The following IDO2 variants were observed in gnomAD, a reference collection of about 807,000 sequenced individuals.
IDO2 encodes the protein indoleamine 2,3-dioxygenase 2, also known as indoleamine 2,3-dioxygenase-like 1 protein.
Under a neutral mutation model 45.1 loss-of-function variants are expected in IDO2, and 46 were observed. That is an observed-to-expected ratio of 1.02 (90% confidence interval 0.80 to 1.30). IDO2 has a LOEUF of 1.30. Ranked by LOEUF, IDO2 falls within the 50% of genes most tolerant of loss-of-function variation. The probability of loss-of-function intolerance (pLI) is 0.00; values close to 1 mark genes in which losing one functional copy is unlikely to be tolerated. For synonymous variants in IDO2, 218 were observed against 184.9 expected (o/e 1.18, Z -1.45); for missense variants, 544 against 491.8 (o/e 1.11, Z -1.00).
intron 8 of IDO2, among the ~76,000 whole-genome samples, chr8:40,004,545 A>AGATAGAT (rs1563441314): frequency 6.6e-6 from 1 of 151,760 alleles, no homozygotes; most frequent in African/African-American, 2.4e-5. Context: ...ATAGATAGAT[A>AGATAGAT]GATAGATAGA....
chr8:39,966,028 T>TC (rs1178993213), intron 3 of IDO2, among the ~76,000 whole-genome samples: 2 of 36,476 alleles, frequency 5.5e-5, no homozygotes, highest in African/African-American at 9.0e-5. Context: ...TATCGCTTCT[T>TC]TTTTTTTTTT....
At chr8:39,972,409 C>A (rs1398557153) in intron 3 of IDO2, among the ~76,000 whole-genome samples, 1 of 151,846 alleles carries the variant, frequency 6.6e-6, no homozygotes, top group African/African-American at 2.4e-5. Flanking sequence ...GAGTTTGAGA[C>A]CAGCTTGGCC....
At chr8:40,002,429 A>G (rs1003843845) in intron 8 of IDO2, among the ~76,000 whole-genome samples, 3 of 152,158 alleles carry the variant, frequency 2.0e-5, no homozygotes, top group African/African-American at 7.2e-5. Flanking sequence ...CTCCTCCAGC[A>G]TCGCTTGTGC....
chr8:40,013,439 A>G (rs952984352), intron 9 of IDO2, 126 bp from the exon 10 acceptor site: 4 of 902,914 alleles, frequency 4.4e-6, no homozygotes, highest in Non-Finnish European at 6.9e-6. Context: ...GATACCCCCA[A>G]TCCCTCACCC....
At chr8:39,950,437 C>G (rs907732831) in intron 2 of IDO2, among the ~76,000 whole-genome samples, 1 of 152,136 alleles carries the variant, frequency 6.6e-6, no homozygotes, top group East Asian at 1.9e-4. Flanking sequence ...GAGGCTGAGG[C>G]AGGAGAATCC....
intron 2 of IDO2, among the ~76,000 whole-genome samples, chr8:39,956,675 A>G (rs574102180): frequency 6.6e-6 from 1 of 152,280 alleles, no homozygotes; most frequent in South Asian, 2.1e-4. Context: ...ATATAGTAAT[A>G]GTAATAACTA....
intron 1 of IDO2, 111 bp from the exon 2 acceptor site, chr8:39,949,038 A>G: frequency 1.4e-6 from 2 of 1,400,720 alleles, no homozygotes; most frequent in Non-Finnish European, 1.9e-6. Context: ...CCTCAGGGAA[A>G]AGTTCTCTCC....
chr8:39,982,829 CTT>C, intron 5 of IDO2, 59 bp downstream of exon 5: 1 of 1,122,138 alleles, frequency 8.9e-7, no homozygotes, highest in Non-Finnish European at 1.3e-6. Context: ...AACACCCAGG[CTT>C]TTTTTTATAA....
Position 39,953,195 on chromosome 8 carries a change from CCAGGCCTGGAGT to C in IDO2, c.99+3932_99+3943del, listed in dbSNP as rs1400574412. The stretch of plus-strand genomic sequence containing the variant: ...GGGATTACAGGCATGAGCCACAGGG[CCAGGCCTGGAGT>C]TCAGATTTAACACATCCTGTAAATG... On this transcript the variant is annotated intron_variant, in intron 2 of 10. Coordinates refer to ENST00000502986, the Ensembl canonical transcript of IDO2. 2.0e-5 allele frequency among the ~76,000 whole-genome samples: 3 copies of C among 152,184 alleles called. No homozygotes were observed. The East Asian group carries it at 5.8e-4, about 30-fold the overall frequency.
intron 9 of IDO2, among the ~76,000 whole-genome samples, chr8:40,009,005 ATATTTATT>A (rs56020913): frequency 4.0e-5 from 6 of 149,624 alleles, no homozygotes; most frequent in South Asian, 2.1e-4. Flanking sequence ...TTTATTATTT[ATATTTATT>A]TATTTATTTA....
intron 3 of IDO2, among the ~76,000 whole-genome samples, chr8:39,978,230 G>T (rs1046647302): frequency 6.6e-6 from 1 of 152,198 alleles, no homozygotes; most frequent in African/African-American, 2.4e-5. Context: ...GAGATTAAAA[G>T]GACAACAAAA....
chr8:39,970,028 ACT>A (rs747734930), intron 3 of IDO2, among the ~76,000 whole-genome samples: 62 of 152,272 alleles, frequency 4.1e-4, no homozygotes, highest in Non-Finnish European at 7.6e-4. Flanking sequence ...TAAAAGTGCT[ACT>A]CCAGTGAACA....
At chr8:40,004,370 A>G (rs181897415) in intron 8 of IDO2, among the ~76,000 whole-genome samples, 4 of 152,348 alleles carry the variant, frequency 2.6e-5, no homozygotes, top group African/African-American at 9.6e-5. Context: ...AGATGTTATT[A>G]TTTAGGTCTC....
chr8:40,005,953 G>T (rs967980255), intron 9 of IDO2, among the ~76,000 whole-genome samples: 1 of 152,156 alleles, frequency 6.6e-6, no homozygotes, highest in African/African-American at 2.4e-5. Flanking sequence ...GGGCTGGAGG[G>T]AGTTCACTTG....
chr8:39,972,472 T>C (rs1372978466), intron 3 of IDO2, among the ~76,000 whole-genome samples: 1 of 151,890 alleles, frequency 6.6e-6, no homozygotes, highest in African/African-American at 2.4e-5. Flanking sequence ...TAGCTGGTCA[T>C]GGTGGCAGGC....
chr8:39,972,609 C>CAAAAAAAAAA (rs35394460), intron 3 of IDO2, among the ~76,000 whole-genome samples: 1 of 34,558 alleles, frequency 2.9e-5, no homozygotes, highest in African/African-American at 1.2e-4. Context: ...GACTCCATCT[C>CAAAAAAAAAA]AAAAAAAAAA....
At chr8:39,966,213 G>GACCCATTCACTCACATTTCCTT (rs1808082614) in intron 3 of IDO2, among the ~76,000 whole-genome samples, 1 of 151,958 alleles carries the variant, frequency 6.6e-6, no homozygotes, top group Non-Finnish European at 1.5e-5. Context: ...ATTTGTAGTA[G>GACCCATTCACTCACATTTCCTT]AGACGGGGTT....
chr8:39,970,205 C>T (rs895597536), intron 3 of IDO2, among the ~76,000 whole-genome samples: 1 of 152,170 alleles, frequency 6.6e-6, no homozygotes, highest in South Asian at 2.1e-4. Flanking sequence ...GCTGAAGAAG[C>T]TGTAGTAAAA....
At chr8:39,952,265 A>T (rs1807825042) in intron 2 of IDO2, among the ~76,000 whole-genome samples, 2 of 152,210 alleles carry the variant, frequency 1.3e-5, no homozygotes, top group African/African-American at 4.8e-5. Flanking sequence ...AGGGGACACC[A>T]GATCTTACTT....
Sources: allele counts gnomAD v4.1 joint callset (sites outside exome capture counted in the v4.1 genomes callset), GRCh38; gene constraint gnomAD v4.1.1; transcripts MANE v1.5; gene names NCBI Gene and HGNC (gene_info 2026-07-23, HGNC 2026-07-21).